CD109: variants seen among roughly 807,000 people sequenced by gnomAD.
CD109 encodes CD109 antigen.
A neutral mutation model predicts 165.8 loss-of-function variants in CD109; 149 were observed. The ratio of observed to expected loss-of-function variants is 0.90; its 90% CI spans 0.79 to 1.03. The LOEUF is 1.03. Among genes scored for constraint, CD109 ranks in the 50% least tolerant of loss-of-function variants. The pLI, the probability that CD109 is intolerant of heterozygous loss-of-function variation, is 0.00. For synonymous variants in CD109, 585 were observed against 592.1 expected, an observed-to-expected ratio of 0.99 and a Z score of 0.18; for missense variants, 1,712 against 1,677.8, an observed-to-expected ratio of 1.02 and a Z score of -0.36.
chr6:73,779,065 G>A (rs1316018226), intron 15 of CD109, among the ~76,000 whole-genome samples: 1 of 151,960 alleles, frequency 6.6e-6, no homozygotes, highest in Non-Finnish European at 1.5e-5. Context: ...TAATCATTAA[G>A]CAATAACTAC....
chr6:73,751,341 C>G (rs1294631966), intron 5 of CD109, among the ~76,000 whole-genome samples: 7 of 151,994 alleles, frequency 4.6e-5, no homozygotes, highest in Admixed American at 1.3e-4. Context: ...TCCAAAGTAC[C>G]CTGGATGCTT....
Position 73,780,425 on chromosome 6 carries a change from TG to T in CD109, c.1831del (p.Val611SerfsTer13). ...CCGTATATTTTATCTTCTCCTTAGG[TG>T]GTCCATGAGTTGGAACTTTATAACA... ...NASNDITMEN[V>X]VHELELYNTG... On this transcript the variant is annotated frameshift_variant and splice_region_variant, in exon 16 of 33. Coordinates refer to ENST00000287097, the MANE Select transcript of CD109 (RefSeq NM_133493.5). LOFTEE classifies it high-confidence loss of function. 6.3e-7 allele frequency: 1 copy of T among 1,581,568 alleles called. No individual in the cohort carries two copies. Among genetic ancestry groups the T allele is most frequent in the Non-Finnish European group, 8.7e-7 (1 of 1,151,170 alleles).
chr6:73,814,160 G>T lies in CD109; in HGVS notation c.3769-821G>T, dbSNP rs561140983. Reference sequence around the variant, plus strand: ...GGGTATTAGATGTTAGTTCTGAGGGGTGTGTGTGTATGTGTGTGCACGTGT... The same window carrying T: ...GGGTATTAGATGTTAGTTCTGAGGGTTGTGTGTGTATGTGTGTGCACGTGT... On this transcript the variant is annotated intron_variant, in intron 29 of 32. Coordinates refer to ENST00000287097, the MANE Select transcript of CD109 (RefSeq NM_133493.5). Among the ~76,000 whole-genome samples, 73 of 151,978 alleles carry T rather than the reference G, an allele frequency of 4.8e-4. 1 individual carries two copies. Among genetic ancestry groups the T allele is most frequent in the Non-Finnish European group, 8.4e-4 (57 of 67,972 alleles).
Position 73,825,582 on chromosome 6 carries a change from G to A in CD109, c.*1949G>A, listed in dbSNP as rs1258889293. On this transcript the variant is annotated 3_prime_UTR_variant, in exon 33 of 33. Coordinates refer to ENST00000287097, the MANE Select transcript of CD109 (RefSeq NM_133493.5). ...ATATTAGGAAACACTAGAATGGAAA[G>A]GCCATTGGAAGACAGGTTGTATCTT... The A allele has an allele frequency of 1.3e-5, 2 of 152,158 alleles. No homozygotes were observed. The highest frequency in any genetic ancestry group is 2.9e-5 in the Non-Finnish European group (2 of 68,026). 9.4% of individuals were successfully genotyped at this position (152,158 alleles called of 1,614,324 possible).
intron 25 of CD109, 25 bp downstream of exon 25, chr6:73,807,097 TGATA>T (rs982705427): frequency 2.4e-5 from 37 of 1,559,752 alleles, no homozygotes; most frequent in Non-Finnish European, 2.8e-5. Context: ...ATTTAATAAA[TGATA>T]GATGGGAAAT....
intron 2 of CD109, among the ~76,000 whole-genome samples, chr6:73,709,184 G>A (rs1220253404): frequency 2.0e-5 from 3 of 152,118 alleles, no homozygotes; most frequent in African/African-American, 7.2e-5. Context: ...TGTATAAGGT[G>A]TAAGGAAGGG....
chr6:73,761,067 AC>A (rs1773612334), intron 7 of CD109, among the ~76,000 whole-genome samples: 2 of 135,502 alleles, frequency 1.5e-5, no homozygotes, highest in Non-Finnish European at 3.2e-5. Flanking sequence ...ACACACACAC[AC>A]ACAAACCCAG....
chr6:73,700,877 C>G (rs1253498800), intron 2 of CD109, among the ~76,000 whole-genome samples: 1 of 133,750 alleles, frequency 7.5e-6, no homozygotes, highest in Non-Finnish European at 1.6e-5. Flanking sequence ...TCTCGGCTCA[C>G]TGCAACCTCT....
intron 2 of CD109, among the ~76,000 whole-genome samples, chr6:73,716,183 T>G (rs1469047577): frequency 6.6e-6 from 1 of 152,244 alleles, no homozygotes; most frequent in East Asian, 1.9e-4. Context: ...CATTTGTTGA[T>G]GGACACTTAG....
intron 6 of CD109, among the ~76,000 whole-genome samples, chr6:73,758,370 A>T (rs1773479784): frequency 6.6e-6 from 1 of 152,102 alleles, no homozygotes; most frequent in South Asian, 2.1e-4. Context: ...TACTTATAAA[A>T]TAGTTTATAC....
intron 5 of CD109, among the ~76,000 whole-genome samples, chr6:73,741,096 T>C (rs546562026): frequency 3.2e-4 from 49 of 152,066 alleles, no homozygotes; most frequent in Non-Finnish European, 5.7e-4. Flanking sequence ...AATATATACA[T>C]AGACTTTTTT....
intron 5 of CD109, among the ~76,000 whole-genome samples, chr6:73,744,351 A>G (rs1772901797): frequency 1.3e-5 from 2 of 152,204 alleles, no homozygotes; most frequent in African/African-American, 4.8e-5. Context: ...TGCTGTTATT[A>G]TCCTTTGTGA....
At chr6:73,697,305 T>C in intron 1 of CD109, 95 bp from the exon 2 acceptor site, 1 of 1,093,502 alleles carries the variant, frequency 9.1e-7, no homozygotes, top group Non-Finnish European at 1.4e-6. Flanking sequence ...TGGCGCAGTA[T>C]GGAGTGCCTA....
At chr6:73,798,251 A>C (rs911551183) in intron 23 of CD109, among the ~76,000 whole-genome samples, 1 of 151,922 alleles carries the variant, frequency 6.6e-6, no homozygotes, top group Non-Finnish European at 1.5e-5. Context: ...AGTAGCTGGG[A>C]CTACAGGTGT....
intron 29 of CD109, among the ~76,000 whole-genome samples, chr6:73,813,392 A>G (rs1168151178): frequency 6.6e-6 from 1 of 152,186 alleles, no homozygotes; most frequent in Non-Finnish European, 1.5e-5. Flanking sequence ...AACCAAATGT[A>G]GAGAAATTAG....
rs1317840181 is a variant in CD109, at chr6:73,802,310, T to A, written c.2879-910T>A. ...GTGTGTATATATATATATATATTTT[T>A]TTTTTTTTTTTTTTTTTTAGTGGAA... On this transcript the variant is annotated intron_variant, in intron 23 of 32. Transcript: ENST00000287097. Among the ~76,000 whole-genome samples, 66 of 135,674 alleles carry A rather than the reference T, an allele frequency of 4.9e-4. No homozygotes were observed. The East Asian group carries it at 6.4e-3, about 13-fold the overall frequency. The allele number at this position is 135,674 out of a possible 152,430, so 89.0% of individuals were successfully genotyped here. A position where few individuals can be genotyped will look rare whatever the true frequency, so the allele number is the denominator to read the frequency against.
chr6:73,713,700 C>G (rs1426568653), intron 2 of CD109, among the ~76,000 whole-genome samples: 4 of 152,198 alleles, frequency 2.6e-5, no homozygotes, highest in South Asian at 2.1e-4. Flanking sequence ...GATTTGACTT[C>G]ATTCAGAGCT....
chr6:73,769,396 A>G (rs1041034916), intron 14 of CD109, among the ~76,000 whole-genome samples: 1 of 152,222 alleles, frequency 6.6e-6, no homozygotes, highest in Non-Finnish European at 1.5e-5. Flanking sequence ...AGGCTTAAAC[A>G]TCTCAGAAAG....
At chr6:73,685,758 C>T in the CD109 span, among the ~76,000 whole-genome samples, 1 of 152,182 alleles carries the variant, frequency 6.6e-6, no homozygotes, top group South Asian at 2.1e-4. Flanking sequence ...CCTTTGCATC[C>T]TCATAGCTTA....
Sources: allele counts gnomAD v4.1 joint callset (sites outside exome capture counted in the v4.1 genomes callset), GRCh38; gene constraint gnomAD v4.1.1; transcripts MANE v1.5; gene names NCBI Gene and HGNC (gene_info 2026-07-23, HGNC 2026-07-21).